The following CDC42BPB variants were observed in gnomAD, a reference collection of about 807,000 sequenced individuals.
CDC42BPB encodes the protein serine/threonine-protein kinase MRCK beta.
Under a neutral mutation model 214.9 loss-of-function variants are expected in CDC42BPB, and 37 were observed. The observed-to-expected ratio is 0.17, with a 90% CI of 0.13 to 0.23. CDC42BPB has a LOEUF of 0.23. Ranked by LOEUF, CDC42BPB falls within the 10% of genes least tolerant of loss-of-function variation. The pLI, the probability that CDC42BPB is intolerant of heterozygous loss-of-function variation, is 1.00. For synonymous variants in CDC42BPB, 931 were observed against 884.0 expected (o/e 1.05, Z -0.94); for missense variants, 1,694 against 2,227.0 (o/e 0.76, Z 4.82).
At chr14:102,985,543 A>G (rs1198893987) in intron 6 of CDC42BPB, among the ~76,000 whole-genome samples, 2 of 152,248 alleles carry the variant, frequency 1.3e-5, no homozygotes, top group Non-Finnish European at 2.9e-5. Flanking sequence ...CCAATTAATC[A>G]ATATGTGGTC....
intron 27 of CDC42BPB, 107 bp downstream of exon 27, chr14:102,947,614 A>G: frequency 1.0e-6 from 1 of 971,338 alleles, no homozygotes; most frequent in Non-Finnish European, 1.6e-6. Flanking sequence ...TTGAGACCCT[A>G]GGGCCACACT....
intron 36 of CDC42BPB, among the ~76,000 whole-genome samples, chr14:102,935,030 GAAAAAAA>G (rs1037490816): frequency 2.0e-5 from 3 of 146,502 alleles, no homozygotes; most frequent in African/African-American, 7.6e-5. Flanking sequence ...AAAAAAAAAA[GAAAAAAA>G]GAAAAAAGAT....
At chr14:102,990,706 G>T (rs1197439118) in intron 5 of CDC42BPB, among the ~76,000 whole-genome samples, 1 of 152,200 alleles carries the variant, frequency 6.6e-6, no homozygotes, top group East Asian at 1.9e-4. Flanking sequence ...GAGCTCTTCT[G>T]AGAAACAACG....
At chr14:102,940,423 G>A (rs1891840368) in intron 30 of CDC42BPB, 99 bp from the exon 31 acceptor site, 1 of 1,532,876 alleles carries the variant, frequency 6.5e-7, no homozygotes, top group East Asian at 2.5e-5. Flanking sequence ...CAAGTGCAGA[G>A]GCGGCAGCAC....
intron 1 of CDC42BPB, among the ~76,000 whole-genome samples, chr14:103,050,650 A>C (rs1179056475): frequency 6.6e-6 from 1 of 152,136 alleles, no homozygotes; most frequent in Admixed American, 6.6e-5. Context: ...CCAGCTATTC[A>C]GGAGGCTGAG....
chr14:102,979,967 G>C (rs1174499736), intron 8 of CDC42BPB, among the ~76,000 whole-genome samples: 1 of 152,154 alleles, frequency 6.6e-6, no homozygotes, highest in Non-Finnish European at 1.5e-5. Context: ...TCTTTATTCT[G>C]AACTCTTGCT....
intron 28 of CDC42BPB, among the ~76,000 whole-genome samples, chr14:102,946,251 C>T (rs369325539): frequency 6.6e-6 from 1 of 152,170 alleles, no homozygotes; most frequent in African/African-American, 2.4e-5. Context: ...TCTCAACCTC[C>T]TGACCTTGTG....
chr14:103,030,342 G>GTTTGGATAACAA (rs1566914432), intron 1 of CDC42BPB, among the ~76,000 whole-genome samples: 1 of 152,250 alleles, frequency 6.6e-6, no homozygotes, highest in African/African-American at 2.4e-5. Context: ...GAGGAGCATA[G>GTTTGGATAACAA]TTTGGATAAC....
intron 1 of CDC42BPB, among the ~76,000 whole-genome samples, chr14:103,036,290 C>G (rs1446243602): frequency 6.6e-6 from 1 of 151,548 alleles, no homozygotes; most frequent in East Asian, 1.9e-4. Flanking sequence ...GTAGCTGGGA[C>G]TACAGGCACC....
At chr14:102,938,594 C>A (rs1318335642) in intron 34 of CDC42BPB, 183 bp from the exon 35 acceptor site, 2 of 976,468 alleles carry the variant, frequency 2.0e-6, no homozygotes, top group Non-Finnish European at 1.2e-6. Flanking sequence ...GCAATAGCAA[C>A]TTCAGGGCAG....
intron 1 of CDC42BPB, among the ~76,000 whole-genome samples, chr14:103,013,853 C>A (rs1466848023): frequency 6.6e-6 from 1 of 152,188 alleles, no homozygotes; most frequent in African/African-American, 2.4e-5. Flanking sequence ...TTTGTGGCAA[C>A]TGGTTACATC....
In CDC42BPB at chr14:102,968,512, A is replaced by C. The variant is rs761471826; in HGVS notation, c.2200T>G (p.Leu734Val). ...TTTTCTAACTTATCTTTTAACATCA[A>C]GATTTCTTTCTGCAGGGCCAGCTGG... is the stretch of plus-strand genomic sequence containing the variant. Reference protein sequence around the residue: ...SHQLALQKEILMLKDKLEKSK... With the variant: ...SHQLALQKEIVMLKDKLEKSK... The change falls in exon 15 of 37, where the codon TTG (leucine) becomes GTG (valine). Residue 734 changes from leucine (L) to valine (V), a missense_variant. Physicochemically the swap from Leu to Val is conservative, Grantham distance 32. Transcript: ENST00000361246. The C allele has an allele frequency of 3.1e-6, 5 of 1,614,162 alleles. No individual in the cohort carries two copies. Among genetic ancestry groups the C allele is most frequent in the Middle Eastern group, 1.6e-4 (1 of 6,062 alleles).
chr14:102,952,488 C>G lies in CDC42BPB; in HGVS notation c.3172+10G>C. 2.5e-6 allele frequency: 4 copies of G among 1,585,124 alleles called. No homozygotes were observed. Among genetic ancestry groups the G allele is most frequent in the Non-Finnish European group, 3.5e-6 (4 of 1,156,068 alleles). On this transcript the variant is annotated intron_variant, in intron 24 of 36. Transcript: ENST00000361246. ...TGCACGCTGACCCCAGGAGCTGCAA[C>G]GACACTCACCCTCGCAGGCGTAGCC...
At chr14:103,026,124 G>A (rs1232539578) in intron 1 of CDC42BPB, among the ~76,000 whole-genome samples, 2 of 152,248 alleles carry the variant, frequency 1.3e-5, no homozygotes, top group African/African-American at 2.4e-5. Context: ...ACGGCTGGGC[G>A]TGGTGGCTCA....
intron 5 of CDC42BPB, 108 bp downstream of exon 5, chr14:102,999,457 G>T: frequency 9.5e-7 from 1 of 1,053,806 alleles, no homozygotes; most frequent in Non-Finnish European, 1.4e-6. Flanking sequence ...TCAAAGTGGG[G>T]ACTCGCTACC....
At position 102,967,102 on chromosome 14, in the gene CDC42BPB, T is replaced by C; in HGVS notation, c.2415A>G (p.Ala805=). The change falls in exon 17 of 37, where the codon GCA becomes GCG. Residue 805 remains alanine, a synonymous_variant. Transcript: ENST00000361246. ...RQLEDELQDL[A]AKKESVAHWE... The stretch of plus-strand genomic sequence containing the variant: ...AGTGGGCCACTGACTCCTTCTTGGC[T>C]GCCAGATCCTGCAGCTCATCCTCCA... 1 of 1,614,212 alleles carries C rather than the reference T, an allele frequency of 6.2e-7. No individual in the cohort carries two copies. Among genetic ancestry groups the C allele is most frequent in the East Asian group, 2.2e-5 (1 of 44,884 alleles).
intron 1 of CDC42BPB, among the ~76,000 whole-genome samples, chr14:103,025,886 C>T (rs898169821): frequency 2.0e-5 from 3 of 150,982 alleles, no homozygotes; most frequent in Admixed American, 6.6e-5. Context: ...TAAAAAAAAA[C>T]CAGACACAAA....
intron 5 of CDC42BPB, among the ~76,000 whole-genome samples, chr14:102,993,675 C>T (rs1894599410): frequency 6.6e-6 from 1 of 152,168 alleles, no homozygotes; most frequent in Non-Finnish European, 1.5e-5. Context: ...AAACTTTTCA[C>T]CATGGCTTCC....
chr14:102,983,573 T>G lies in CDC42BPB; in HGVS notation c.874A>C (p.Lys292Gln). 3 of 1,605,832 alleles carry G rather than the reference T, an allele frequency of 1.9e-6. No homozygotes were observed. The highest frequency in any genetic ancestry group is 2.5e-6 in the Non-Finnish European group (3 of 1,179,928). The change falls in exon 7 of 37, where the codon AAG becomes CAG. Residue 292 changes from lysine to glutamine, a missense_variant. Coordinates refer to ENST00000361246, the MANE Select transcript of CDC42BPB (RefSeq NM_006035.4). The part of the protein sequence containing the change: ...YAESLVETYG[K>Q]IMNHEERFQF... Reference sequence around the variant, plus strand: ...CGTCTTACTTCATGGTTCATGATCTTCCCATAGGTCTCCACGAGTGACTCC... The same window carrying G: ...CGTCTTACTTCATGGTTCATGATCTGCCCATAGGTCTCCACGAGTGACTCC...
Sources: gnomAD v4.1 joint callset for allele counts (sites outside exome capture counted in the v4.1 genomes callset) on GRCh38, gnomAD v4.1.1 for gene constraint, MANE v1.5 for transcripts, NCBI Gene and HGNC (gene_info 2026-07-23, HGNC 2026-07-21) for gene names.